SEMA6C: variants seen among roughly 807,000 people sequenced by gnomAD.
The protein encoded by SEMA6C is semaphorin-6C.
A neutral mutation model predicts 72.9 loss-of-function variants in SEMA6C; 37 were observed. The observed-to-expected ratio is 0.51, with a 90% CI of 0.39 to 0.67. The LOEUF (loss-of-function observed/expected upper bound fraction) is 0.67, where lower values mean the gene tolerates loss of function less well. SEMA6C is among the 30% of genes least tolerant of loss of function. The pLI is 0.00. For missense variants in SEMA6C, 1,189 were observed against 1,263.6 expected (o/e 0.94, Z 0.89); for synonymous variants, 578 against 554.1 (o/e 1.04, Z -0.61).
In SEMA6C at chr1:151,136,715, C is replaced by G. The variant is rs1022241494; in HGVS notation, c.975-136G>C. ...GGTGGGGCAGCCACTGGGTGCCACA[C>G]TAGGAGAAAAAATGGCAACACAGCA... On this transcript the variant is annotated intron_variant, in intron 11 of 18. Coordinates refer to ENST00000368914, the MANE Select transcript of SEMA6C (RefSeq NM_030913.6). The G allele has an allele frequency of 5.2e-5, 71 of 1,363,866 alleles. No homozygotes were observed. In the Admixed American group the frequency reaches 1.4e-3, roughly 26 times the overall value. The allele number at this position is 1,363,866 out of a possible 1,614,324, so 84.5% of individuals were successfully genotyped here. A position where few individuals can be genotyped will look rare whatever the true frequency, so the allele number is the denominator to read the frequency against.
chr1:151,143,271 C>T lies in SEMA6C; in HGVS notation c.-54-596G>A, dbSNP rs587614082. Reference sequence around the variant, plus strand: ...CTAAGCTCATGCTTCAGGGGCCCTTCCCACCGCTAGGGAAGAACTGAGTAG... The same window carrying T: ...CTAAGCTCATGCTTCAGGGGCCCTTTCCACCGCTAGGGAAGAACTGAGTAG... On this transcript the variant is annotated intron_variant, in intron 2 of 18. Coordinates refer to ENST00000368914, the MANE Select transcript of SEMA6C (RefSeq NM_030913.6). 1.6e-3 allele frequency among the ~76,000 whole-genome samples: 237 copies of T among 152,280 alleles called. 1 individual carries two copies. Among genetic ancestry groups the T allele is most frequent in the Non-Finnish European group, 2.8e-3 (192 of 68,012 alleles).
At chr1:151,140,804 C>A (rs1166226317) in intron 3 of SEMA6C, among the ~76,000 whole-genome samples, 1 of 152,170 alleles carries the variant, frequency 6.6e-6, no homozygotes, top group African/African-American at 2.4e-5. Context: ...ACCATCCTGG[C>A]TAACATGGTG....
rs1234010087 is a variant in SEMA6C, at chr1:151,142,640, G to C, written c.-19C>G. ...GGGGCATCCTGTGCGGGGCAGCTCAGGCCCCAGGGGGTGCCCCCTCACCCA... is the reference window on the plus strand; with the variant it reads ...GGGGCATCCTGTGCGGGGCAGCTCACGCCCCAGGGGGTGCCCCCTCACCCA... On this transcript the variant is annotated 5_prime_UTR_variant, in exon 3 of 19. Coordinates refer to ENST00000368914, the MANE Select transcript of SEMA6C (RefSeq NM_030913.6). The C allele has an allele frequency of 6.6e-7, 1 of 1,508,422 alleles. No individual in the cohort carries two copies. Among genetic ancestry groups the C allele is most frequent in the Non-Finnish European group, 8.8e-7 (1 of 1,132,656 alleles). 93.4% of individuals were successfully genotyped at this position (1,508,422 alleles called of 1,614,324 possible).
chr1:151,132,675 G>A lies in SEMA6C; in HGVS notation c.2602C>T (p.Pro868Ser), dbSNP rs1681644333. The change falls in exon 19 of 19, where the codon CCC (proline) becomes TCC (serine). Residue 868 changes from proline to serine, a missense_variant. Physicochemically the swap from Pro to Ser is moderately conservative, Grantham distance 74. Transcript: ENST00000368914. Reference sequence around the variant, plus strand: ...GAGTACCTGGAGGGACCTCCCGAGGGGACTCGAGTGAGCAGGGCAGGGGGG... The same window carrying A: ...GAGTACCTGGAGGGACCTCCCGAGGAGACTCGAGTGAGCAGGGCAGGGGGG... ...RAPPALLTRV[P>S]SGGPSRYSGG... is the part of the protein sequence containing the mutation. 5 of 1,546,392 alleles carry A rather than the reference G, an allele frequency of 3.2e-6. No individual in the cohort carries two copies. Among genetic ancestry groups the A allele is most frequent in the South Asian group, 2.4e-5 (2 of 83,856 alleles).
intron 3 of SEMA6C, 135 bp downstream of exon 3, chr1:151,142,369 C>G: frequency 1.0e-6 from 1 of 983,006 alleles, no homozygotes; most frequent in Non-Finnish European, 1.5e-6. Context: ...CTCACTCTAC[C>G]TGTTTCCTTC....
chr1:151,134,935 T>C, intron 15 of SEMA6C, 60 bp from the exon 16 acceptor site: 1 of 1,523,878 alleles, frequency 6.6e-7, no homozygotes, highest in South Asian at 1.1e-5. Context: ...CTTTCCATTC[T>C]GCTGCCTTTT....
At position 151,133,565 on chromosome 1, in the gene SEMA6C, C is replaced by T. The variant is rs371026747; in HGVS notation, c.1760-48G>A. 2.3e-5 allele frequency: 34 copies of T among 1,454,494 alleles called. No homozygotes were observed. The highest frequency in any genetic ancestry group is 3.1e-5 in the Non-Finnish European group (34 of 1,107,690). 90.1% of individuals were successfully genotyped at this position (1,454,494 alleles called of 1,614,324 possible). A position where few individuals can be genotyped will look rare whatever the true frequency, so the allele number is the denominator to read the frequency against. Reference sequence around the variant, plus strand: ...GAGGCTCAGCCAAGGGGAGGCGGTGCGGGGTACCTAGGCCCAGAGGCGCCG... The same window carrying T: ...GAGGCTCAGCCAAGGGGAGGCGGTGTGGGGTACCTAGGCCCAGAGGCGCCG... On this transcript the variant is annotated intron_variant, in intron 18 of 18. Transcript: ENST00000368914. The surrounding 1 kb of genome is among the most constrained non-coding windows in gnomAD (Gnocchi z 5.9).
At position 151,133,940 on chromosome 1, in the gene SEMA6C, C is replaced by G; in HGVS notation, c.1760-423G>C. On this transcript the variant is annotated intron_variant, in intron 18 of 18. Transcript: ENST00000368914. The surrounding 1 kb of genome is among the most constrained non-coding windows in gnomAD (Gnocchi z 5.9). ...GCAGCCCCACACTTCACTCCTATCT[C>G]TCCCAAGTAGCCCCCTTACCCCGAG... The G allele has an allele frequency of 2.6e-6, 4 of 1,533,412 alleles. No homozygotes were observed. The highest frequency in any genetic ancestry group is 3.5e-6 in the Non-Finnish European group (4 of 1,131,432). 95.0% of individuals were successfully genotyped at this position (1,533,412 alleles called of 1,614,324 possible).
In SEMA6C at chr1:151,135,315, G is replaced by A. The variant is rs79913209; in HGVS notation, c.1434-6C>T. The A allele has an allele frequency of 1.4e-3, 2,305 of 1,612,362 alleles. 27 individuals are homozygous for A. In the African/African-American group the frequency reaches 0.026, roughly 19 times the overall value. On this transcript the variant is annotated splice_region_variant and splice_polypyrimidine_tract_variant and intron_variant, in intron 14 of 18. Transcript: ENST00000368914. ...CTGTCCGCTTCCCACTGCACCTAGG[G>A]TGAGGCCAGAAGGAACCAGAGATGG...
Position 151,139,410 on chromosome 1 carries a change from C to T in SEMA6C, c.354+15G>A, listed in dbSNP as rs1031704577. The T allele has an allele frequency of 1.6e-5, 25 of 1,609,992 alleles. No individual in the cohort carries two copies. Among genetic ancestry groups the T allele is most frequent in the South Asian group, 2.2e-5 (2 of 90,990 alleles). On this transcript the variant is annotated intron_variant, in intron 6 of 18. Coordinates refer to ENST00000368914, the MANE Select transcript of SEMA6C (RefSeq NM_030913.6). ...AATCCTCTCCTTCCCTCCACATTCT[C>T]GTCTCACTCCTTACCGTCAGCTTTC...
chr1:151,134,069 C>T lies in SEMA6C; in HGVS notation c.1759+332G>A, dbSNP rs587594968. On this transcript the variant is annotated intron_variant, in intron 18 of 18. Transcript: ENST00000368914. ...GACCCGGAAGCACTGGTGGCAGAGA[C>T]CAGGTCAGAGCCAGTGAGGCTCTTG... The T allele has an allele frequency of 2.3e-4, 340 of 1,492,196 alleles. 2 individuals are homozygous for T. In the Middle Eastern group the frequency reaches 2.8e-3, roughly 12 times the overall value. 92.4% of individuals were successfully genotyped at this position (1,492,196 alleles called of 1,614,324 possible). A position where few individuals can be genotyped will look rare whatever the true frequency, so the allele number is the denominator to read the frequency against.
chr1:151,138,281 C>T (rs1558184968), intron 8 of SEMA6C, 35 bp downstream of exon 8: 4 of 1,607,676 alleles, frequency 2.5e-6, no homozygotes, highest in Non-Finnish European at 8.5e-7. Context: ...CTCCCTCCAG[C>T]CACATGCTTT....
intron 2 of SEMA6C, among the ~76,000 whole-genome samples, chr1:151,143,473 G>T (rs587607034): frequency 1.1e-4 from 17 of 152,316 alleles, no homozygotes; most frequent in Non-Finnish European, 1.9e-4. Flanking sequence ...ATGTACTTGA[G>T]GGGGGAAGAG....
At chr1:151,144,230 C>A (rs983442194) in intron 2 of SEMA6C, among the ~76,000 whole-genome samples, 155 bp downstream of exon 2, 3 of 152,302 alleles carry the variant, frequency 2.0e-5, no homozygotes, top group African/African-American at 4.8e-5. Context: ...TCCCCACCAC[C>A]CCCCTGCCTC....
intron 15 of SEMA6C, 39 bp from the exon 16 acceptor site, chr1:151,134,914 T>C (rs1019955647): frequency 3.5e-5 from 55 of 1,570,916 alleles, no homozygotes; most frequent in Non-Finnish European, 4.7e-5. Flanking sequence ...GATCCCTTTC[T>C]ACTCCAGTCA....
chr1:151,139,092 C>CAAAAA (rs887064091), intron 6 of SEMA6C, among the ~76,000 whole-genome samples: 36 of 51,880 alleles, frequency 6.9e-4, no homozygotes, highest in East Asian at 1.6e-3. Flanking sequence ...GACTCCGTCT[C>CAAAAA]AAAAAAAAAA....
chr1:151,133,930 A>G lies in SEMA6C; in HGVS notation c.1760-413T>C. On this transcript the variant is annotated intron_variant, in intron 18 of 18. Coordinates refer to ENST00000368914, the MANE Select transcript of SEMA6C (RefSeq NM_030913.6). This position sits in a 1 kb window ranked among gnomAD's most constrained non-coding sequence, Gnocchi z 5.9. The stretch of plus-strand genomic sequence containing the variant: ...CCGAGAATCAGCAGCCCCACACTTC[A>G]CTCCTATCTCTCCCAAGTAGCCCCC... 1 of 1,475,562 alleles carries G rather than the reference A, an allele frequency of 6.8e-7. No individual in the cohort carries two copies. The highest frequency in any genetic ancestry group is 1.2e-5 in the South Asian group (1 of 82,596). The allele number at this position is 1,475,562 out of a possible 1,614,324, so 91.4% of individuals were successfully genotyped here.
At chr1:151,138,503 C>G (rs748147783) in intron 7 of SEMA6C, 97 bp from the exon 8 acceptor site, 4 of 1,424,152 alleles carry the variant, frequency 2.8e-6, no homozygotes, top group Admixed American at 1.9e-5. Context: ...TCCCCAACCC[C>G]TCTGGACCCT....
At chr1:151,141,296 C>G (rs930916518) in intron 3 of SEMA6C, among the ~76,000 whole-genome samples, 4 of 152,146 alleles carry the variant, frequency 2.6e-5, no homozygotes, top group African/African-American at 9.7e-5. Flanking sequence ...CTCTATGTAG[C>G]TAAGAATAAC....
Sources: gnomAD v4.1 joint callset for allele counts (sites outside exome capture counted in the v4.1 genomes callset) on GRCh38, gnomAD v4.1.1 for gene constraint, Gnocchi (gnomAD v3.1) non-coding constraint, MANE v1.5 for transcripts, NCBI Gene and HGNC (gene_info 2026-07-23, HGNC 2026-07-21) for gene names.